The following CYTH4 variants were observed in gnomAD, a reference collection of about 807,000 sequenced individuals.
CYTH4 encodes the protein cytohesin 4, also known as cytohesin-4.
A neutral mutation model predicts 57.5 loss-of-function variants in CYTH4; 22 were observed. The observed-to-expected ratio is 0.38, with a 90% CI of 0.27 to 0.55. The LOEUF is 0.55. CYTH4 is among the 20% of genes least tolerant of loss of function. The pLI is 0.74. For missense variants in CYTH4, 420 were observed against 535.6 expected, an observed-to-expected ratio of 0.78 and a Z score of 2.13; for synonymous variants, 186 against 206.5, an observed-to-expected ratio of 0.90 and a Z score of 0.85.
At chr22:37,294,615 G>A in intron 2 of CYTH4, 45 bp from the exon 3 acceptor site, 1 of 1,610,288 alleles carries the variant, frequency 6.2e-7, no homozygotes, top group Non-Finnish European at 8.5e-7. Flanking sequence ...CGGGGTTCTG[G>A]CCTCCACCCC....
chr22:37,309,087 C>T, intron 8 of CYTH4, 125 bp from the exon 9 acceptor site: 1 of 713,652 alleles, frequency 1.4e-6, no homozygotes, highest in South Asian at 1.9e-5. Flanking sequence ...CCACGATAAA[C>T]AGGTGAGGAA....
chr22:37,296,449 C>T, intron 4 of CYTH4: 1 of 217,098 alleles, frequency 4.6e-6, no homozygotes, highest in South Asian at 6.2e-5. Flanking sequence ...GCCAGTCCTG[C>T]GGTCCCACCA....
intron 8 of CYTH4, 33 bp downstream of exon 8, chr22:37,303,435 CG>C: frequency 6.2e-7 from 1 of 1,602,140 alleles, no homozygotes. Context: ...AGCCTGGCCC[CG>C]GGGAATCCAG....
chr22:37,287,449 G>C (rs893860080), intron 1 of CYTH4, among the ~76,000 whole-genome samples: 5 of 152,148 alleles, frequency 3.3e-5, no homozygotes, highest in Non-Finnish European at 7.4e-5. Flanking sequence ...AAGCCAACAG[G>C]AAAACTGTAT....
intron 7 of CYTH4, among the ~76,000 whole-genome samples, 162 bp from the exon 8 acceptor site, chr22:37,303,092 C>T (rs1929243005): frequency 6.6e-6 from 1 of 152,028 alleles, no homozygotes; most frequent in African/African-American, 2.4e-5. Context: ...TGGGGACCAG[C>T]AAGAGTGGGA....
Position 37,295,150 on chromosome 22 carries a change from A to T in CYTH4, c.167+426A>T, listed in dbSNP as rs1454629312. On this transcript the variant is annotated intron_variant, in intron 3 of 12. Coordinates refer to ENST00000248901, the MANE Select transcript of CYTH4 (RefSeq NM_013385.5). The surrounding 1 kb of genome is among the most constrained non-coding windows in gnomAD (Gnocchi z 4.1). ...CACTAACCCCGGGCCAGCCACGCCC[A>T]CCGCCTCTGTGGAAAACTCCCACTA... 6.6e-6 allele frequency among the ~76,000 whole-genome samples: 1 copy of T among 151,942 alleles called. No individual in the cohort carries two copies. The highest frequency in any genetic ancestry group is 2.4e-5 in the African/African-American group (1 of 41,360).
chr22:37,294,391 G>C (rs535488336), intron 2 of CYTH4, among the ~76,000 whole-genome samples: 2 of 152,152 alleles, frequency 1.3e-5, no homozygotes, highest in Admixed American at 1.3e-4. Context: ...AGGGATGGGG[G>C]CTTGGGGAAT....
intron 1 of CYTH4, among the ~76,000 whole-genome samples, chr22:37,282,921 G>A (rs1047199820): frequency 6.6e-6 from 1 of 152,254 alleles, no homozygotes; most frequent in Non-Finnish European, 1.5e-5. Context: ...GGAATGCATG[G>A]TGGAAAAGGC....
Position 37,292,223 on chromosome 22 carries a change from C to T in CYTH4, c.20-398C>T, listed in dbSNP as rs529619134. ...CCAGTGGAGGAGGAGATTCAAGTTC[C>T]GGGGAAGGAATGCGTGCCTTCAGCG... is the stretch of plus-strand genomic sequence containing the variant. On this transcript the variant is annotated intron_variant, in intron 1 of 12. Transcript: ENST00000248901. The T allele has an allele frequency of 2.1e-3, 372 of 174,486 alleles. 2 individuals are homozygous for T. Among genetic ancestry groups the T allele is most frequent in the Non-Finnish European group, 2.9e-3 (241 of 82,486 alleles). The allele number at this position is 174,486 out of a possible 1,614,324, so 10.8% of individuals were successfully genotyped here.
At position 37,284,812 on chromosome 22, in the gene CYTH4, C is replaced by T. The variant is rs547315087; in HGVS notation, c.19+2224C>T. Among the ~76,000 whole-genome samples, 5 of 152,296 alleles carry T rather than the reference C, an allele frequency of 3.3e-5. No homozygotes were observed. In the East Asian group the frequency reaches 7.7e-4, roughly 24 times the overall value. ...GGCCTGTGTCGGGAAGCAGGTAAGG[C>T]GCCCTCCCCCAGGGCCTGCCGGGAA... On this transcript the variant is annotated intron_variant, in intron 1 of 12. Transcript: ENST00000248901.
At chr22:37,310,887 G>A in intron 9 of CYTH4, 101 bp from the exon 10 acceptor site, 1 of 1,274,508 alleles carries the variant, frequency 7.8e-7, no homozygotes. Flanking sequence ...GCACTCAGCT[G>A]GGGGTCCAGG....
chr22:37,300,588 G>C (rs890100582), intron 6 of CYTH4, among the ~76,000 whole-genome samples: 1 of 152,246 alleles, frequency 6.6e-6, no homozygotes, highest in African/African-American at 2.4e-5. Flanking sequence ...GGTGCGGGGA[G>C]CCACAGACCC....
At chr22:37,310,183 C>T (rs79195425) in intron 9 of CYTH4, among the ~76,000 whole-genome samples, 2,886 of 152,238 alleles carry the variant, frequency 0.019, 79 homozygotes, top group African/African-American at 0.067. Context: ...CTCCACACCA[C>T]ACCCCAGTCC....
In CYTH4 at chr22:37,303,341, G is replaced by C; in HGVS notation, c.635G>C (p.Arg212Pro). 6.2e-7 allele frequency: 1 copy of C among 1,614,142 alleles called. No homozygotes were observed. The highest frequency in any genetic ancestry group is 8.5e-7 in the Non-Finnish European group (1 of 1,180,022). ...PNVRDRPPFERFVSMNRGINN... is the reference protein window; with the variant it reads ...PNVRDRPPFEPFVSMNRGINN... ...GTCCGGGACAGGCCGCCTTTTGAGCGCTTTGTGTCCATGAACCGCGGCATC... is the reference window on the plus strand; with the variant it reads ...GTCCGGGACAGGCCGCCTTTTGAGCCCTTTGTGTCCATGAACCGCGGCATC... The change falls in exon 8 of 13, where the codon CGC (arginine) becomes CCC (proline). Residue 212 changes from arginine to proline, a missense_variant. Physicochemically the swap from Arg to Pro is moderately radical, Grantham distance 103 (BLOSUM62 -2). Coordinates refer to ENST00000248901, the MANE Select transcript of CYTH4 (RefSeq NM_013385.5).
intron 5 of CYTH4, 63 bp from the exon 6 acceptor site, chr22:37,299,163 C>A: frequency 7.6e-7 from 1 of 1,308,710 alleles, no homozygotes; most frequent in Non-Finnish European, 1.1e-6. Context: ...CAACCCCCTC[C>A]AGGAGGTGGG....
At chr22:37,285,144 G>A (rs979361184) in intron 1 of CYTH4, among the ~76,000 whole-genome samples, 11 of 152,238 alleles carry the variant, frequency 7.2e-5, no homozygotes, top group South Asian at 2.1e-4. Flanking sequence ...AGCTGTCCTG[G>A]AAGCAGGGCT....
At chr22:37,294,304 G>A (rs978666153) in intron 2 of CYTH4, among the ~76,000 whole-genome samples, 5 of 151,182 alleles carry the variant, frequency 3.3e-5, no homozygotes, top group South Asian at 2.1e-4. Flanking sequence ...CCGGCTTGTC[G>A]GGTAGGCTCG....
Position 37,311,234 on chromosome 22 carries a change from G to A in CYTH4, c.885+170G>A, listed in dbSNP as rs949502585. 6.6e-6 allele frequency among the ~76,000 whole-genome samples: 1 copy of A among 152,214 alleles called. No individual in the cohort carries two copies. The highest frequency in any genetic ancestry group is 1.5e-5 in the Non-Finnish European group (1 of 68,038). ...GAAAACGGGTACACAGAGGAGGGCC[G>A]GGCCAAGGTCCTAGGCAGAGCCCAG... On this transcript the variant is annotated intron_variant, in intron 10 of 12. Transcript: ENST00000248901. This position sits in a 1 kb window ranked among gnomAD's most constrained non-coding sequence, Gnocchi z 4.4.
At chr22:37,302,491 GC>G (rs1365193284) in intron 7 of CYTH4, among the ~76,000 whole-genome samples, 1 of 152,214 alleles carries the variant, frequency 6.6e-6, no homozygotes, top group African/African-American at 2.4e-5. Flanking sequence ...CACAGGGCAA[GC>G]ACCAACAACG....
Sources: gnomAD v4.1 joint callset for allele counts (sites outside exome capture counted in the v4.1 genomes callset) on GRCh38, gnomAD v4.1.1 for gene constraint, Gnocchi (gnomAD v3.1) non-coding constraint, MANE v1.5 for transcripts, NCBI Gene and HGNC (gene_info 2026-07-23, HGNC 2026-07-21) for gene names.